MTHFD2L: variants seen among roughly 807,000 people sequenced by gnomAD.
MTHFD2L encodes methylenetetrahydrofolate dehydrogenase (NADP+ dependent) 2 like, also known as bifunctional methylenetetrahydrofolate dehydrogenase/cyclohydrolase 2, mitochondrial.
In MTHFD2L, 29 loss-of-function variants were observed where a neutral mutation model predicts 34.9. That is an observed-to-expected ratio of 0.83 (90% CI 0.62 to 1.13). The LOEUF (loss-of-function observed/expected upper bound fraction) is 1.13. MTHFD2L is among the 50% of genes most tolerant of loss of function. The pLI is 0.00. For synonymous variants in MTHFD2L, 167 were observed against 155.7 expected (o/e 1.07, Z -0.54); for missense variants, 481 against 446.5 (o/e 1.08, Z -0.70).
intron 6 of MTHFD2L, chr4:74,267,893 GGC>G: frequency 1.0e-6 from 1 of 985,270 alleles, no homozygotes; most frequent in South Asian, 4.7e-5. Context: ...GATCCAATAT[GGC>G]ACAGAGCAGA....
At chr4:74,235,397 G>A (rs1174791577) in intron 6 of MTHFD2L, among the ~76,000 whole-genome samples, 1 of 152,062 alleles carries the variant, frequency 6.6e-6, no homozygotes, top group East Asian at 1.9e-4. Context: ...TAGAAAGGAA[G>A]CAAAGTTTGA....
chr4:74,193,826 ATGCTC>A (rs1733005382), intron 3 of MTHFD2L, among the ~76,000 whole-genome samples: 1 of 152,200 alleles, frequency 6.6e-6, no homozygotes, highest in Non-Finnish European at 1.5e-5. Flanking sequence ...ATTTTTAAGC[ATGCTC>A]TGCATAAACA....
At chr4:74,119,109 C>T (rs942091503), upstream of MTHFD2L, among the ~76,000 whole-genome samples, 1 of 152,192 alleles carries the variant, frequency 6.6e-6, no homozygotes, top group African/African-American at 2.4e-5. Flanking sequence ...AATTCAGCTG[C>T]ATCTGGTGGC....
intron 1 of MTHFD2L, among the ~76,000 whole-genome samples, chr4:74,144,902 T>A (rs1723497992): frequency 6.6e-6 from 1 of 152,160 alleles, no homozygotes; most frequent in Non-Finnish European, 1.5e-5. Context: ...AAGAAATGAA[T>A]GAATTAATAG....
At chr4:74,157,395 T>C (rs2109873169), upstream of MTHFD2L, 1 of 308,706 alleles carries the variant, frequency 3.2e-6, no homozygotes, top group African/African-American at 2.2e-5. Flanking sequence ...CTGTCTTAAT[T>C]TGCAAAATGA....
At chr4:74,250,635 T>C (rs1431143566) in intron 6 of MTHFD2L, among the ~76,000 whole-genome samples, 1 of 152,232 alleles carries the variant, frequency 6.6e-6, no homozygotes, top group African/African-American at 2.4e-5. Context: ...AGGTTCTGCG[T>C]GCAGTTCCTC....
In MTHFD2L at chr4:74,180,620, T is replaced by C. The variant is rs75385071; in HGVS notation, c.451+5217T>C. On this transcript the variant is annotated intron_variant, in intron 3 of 7. Transcript: ENST00000325278. ...CTCATTTGAGCAACAAGCAAAGAAA[T>C]GAGATAGAATTCTGTCCTGTTTAAT... The C allele has an allele frequency of 3.8e-3, 1,392 of 369,402 alleles. 18 individuals carry two copies. The highest frequency in any genetic ancestry group is 0.026 in the African/African-American group (1,274 of 48,264). 22.9% of individuals were successfully genotyped at this position (369,402 alleles called of 1,614,324 possible).
intron 7 of MTHFD2L, among the ~76,000 whole-genome samples, chr4:74,287,757 A>G (rs1431806441): frequency 6.6e-6 from 1 of 152,126 alleles, no homozygotes; most frequent in Non-Finnish European, 1.5e-5. Flanking sequence ...AAAAAATAAG[A>G]TAATTTGGCT....
At chr4:74,250,373 T>C (rs1370751822) in intron 6 of MTHFD2L, among the ~76,000 whole-genome samples, 1 of 152,170 alleles carries the variant, frequency 6.6e-6, no homozygotes, top group Non-Finnish European at 1.5e-5. Flanking sequence ...TCTTTTTTTT[T>C]CTAACACTTA....
chr4:74,158,016 C>G (rs1271133195), upstream of MTHFD2L: 4 of 1,427,466 alleles, frequency 2.8e-6, no homozygotes, highest in South Asian at 4.9e-5. Context: ...TCTGCCGGAA[C>G]CTGGCTGGGA....
At position 74,143,585 on chromosome 4, in the gene MTHFD2L, T is replaced by C. The variant is rs1578250010; in HGVS notation, c.-296-16470T>C. The stretch of plus-strand genomic sequence containing the variant: ...ATTTTCTATTTTCCTACTTTCCTTT[T>C]ATACATTTGAAGTAAGATTTTTCAT... On this transcript the variant is annotated intron_variant, in intron 1 of 7. Transcript: ENST00000433372. The C allele has an allele frequency of 1.5e-5, 4 of 261,116 alleles. No homozygotes were observed. In the East Asian group the frequency reaches 7.1e-4, roughly 46 times the overall value. 16.2% of individuals were successfully genotyped at this position (261,116 alleles called of 1,614,324 possible). A position where few individuals can be genotyped will look rare whatever the true frequency, so the allele number is the denominator to read the frequency against.
intron 1 of MTHFD2L, among the ~76,000 whole-genome samples, chr4:74,170,804 AATG>A (rs1223202022): frequency 4.6e-5 from 7 of 152,034 alleles, no homozygotes; most frequent in Admixed American, 3.3e-4. Context: ...AGCCATAAAA[AATG>A]ATGAGTTCAT....
At chr4:74,253,136 A>T (rs1424113441) in intron 6 of MTHFD2L, among the ~76,000 whole-genome samples, 2 of 152,170 alleles carry the variant, frequency 1.3e-5, no homozygotes. Context: ...GAATGGTGCA[A>T]TGAAGAAATT....
At chr4:74,261,976 A>G (rs942625356) in intron 6 of MTHFD2L, among the ~76,000 whole-genome samples, 1 of 152,074 alleles carries the variant, frequency 6.6e-6, no homozygotes, top group Non-Finnish European at 1.5e-5. Flanking sequence ...TTATGAACAG[A>G]GTAGTATTTT....
intron 1 of MTHFD2L, among the ~76,000 whole-genome samples, chr4:74,167,996 C>T (rs1396437731): frequency 6.6e-6 from 1 of 152,042 alleles, no homozygotes; most frequent in Non-Finnish European, 1.5e-5. Context: ...CTTAGCACCT[C>T]CATGGCTACC....
chr4:74,212,416 A>G (rs2110086328), intron 5 of MTHFD2L, among the ~76,000 whole-genome samples: 1 of 152,294 alleles, frequency 6.6e-6, no homozygotes, highest in Non-Finnish European at 1.5e-5. Context: ...TTGGTTTCAA[A>G]TAACTTATTT....
At chr4:74,193,875 T>C (rs1469549133) in intron 3 of MTHFD2L, among the ~76,000 whole-genome samples, 17 of 152,198 alleles carry the variant, frequency 1.1e-4, no homozygotes, top group Non-Finnish European at 4.4e-5. Context: ...ATTTTACTTA[T>C]TCTATTCTGA....
intron 3 of MTHFD2L, among the ~76,000 whole-genome samples, chr4:74,185,886 G>A (rs952786000): frequency 6.6e-6 from 1 of 152,104 alleles, no homozygotes; most frequent in African/African-American, 2.4e-5. Flanking sequence ...CACATTTGAA[G>A]CCAGCATTAC....
At chr4:74,297,671 A>G (rs1749792349) in intron 7 of MTHFD2L, among the ~76,000 whole-genome samples, 1 of 152,050 alleles carries the variant, frequency 6.6e-6, no homozygotes, top group Non-Finnish European at 1.5e-5. Context: ...CTAGCCAATG[A>G]GAGGTTATTC....
Sources: gnomAD v4.1 joint callset for allele counts (sites outside exome capture counted in the v4.1 genomes callset) on GRCh38, gnomAD v4.1.1 for gene constraint, MANE v1.5 for transcripts, NCBI Gene and HGNC (gene_info 2026-07-23, HGNC 2026-07-21) for gene names.